PLEKHO2: variants seen among roughly 807,000 people sequenced by gnomAD.
PLEKHO2 encodes the protein pleckstrin homology domain containing O2, also known as pleckstrin homology domain-containing family O member 2.
PLEKHO2 carries 20 observed loss-of-function variants against 32.7 expected under a neutral mutation model. The observed-to-expected ratio is 0.61, with a 90% CI of 0.43 to 0.89. The LOEUF (loss-of-function observed/expected upper bound fraction) is 0.89, where lower values mean the gene tolerates loss of function less well. PLEKHO2 is among the 40% of genes least tolerant of loss of function. PLEKHO2 has a pLI of 0.00. For missense variants in PLEKHO2, 568 were observed against 621.2 expected, an observed-to-expected ratio of 0.91 and a Z score of 0.91; for synonymous variants, 247 against 246.3, an observed-to-expected ratio of 1.00 and a Z score of -0.03.
intron 1 of PLEKHO2, among the ~76,000 whole-genome samples, chr15:64,845,204 G>A (rs2084513651): frequency 6.8e-6 from 1 of 146,490 alleles, no homozygotes; most frequent in Non-Finnish European, 1.5e-5. Flanking sequence ...GAGTTGAGGT[G>A]ACCTGGCTTC....
intron 5 of PLEKHO2, among the ~76,000 whole-genome samples, chr15:64,864,194 C>G (rs1595833274): frequency 6.6e-6 from 1 of 152,148 alleles, no homozygotes; most frequent in Non-Finnish European, 1.5e-5. Flanking sequence ...TGTGGGACTG[C>G]TGGATATCCC....
At chr15:64,856,064 G>A (rs1413730411) in intron 3 of PLEKHO2, among the ~76,000 whole-genome samples, 1 of 152,094 alleles carries the variant, frequency 6.6e-6, no homozygotes, top group African/African-American at 2.4e-5. Flanking sequence ...AGCTGGAAGT[G>A]TATCCCAGGG....
At chr15:64,846,745 C>G (rs1347423713) in intron 1 of PLEKHO2, among the ~76,000 whole-genome samples, 2 of 152,172 alleles carry the variant, frequency 1.3e-5, no homozygotes, top group Non-Finnish European at 2.9e-5. Context: ...CAGCTATAGA[C>G]CAGAAAGGGC....
At chr15:64,843,582 CTTT>C (rs778238354) in intron 1 of PLEKHO2, among the ~76,000 whole-genome samples, 1 of 141,376 alleles carries the variant, frequency 7.1e-6, no homozygotes, top group African/African-American at 2.6e-5. Context: ...ACTTTCTTTT[CTTT>C]TTTTTTTTTT....
intron 2 of PLEKHO2, among the ~76,000 whole-genome samples, chr15:64,853,717 G>A (rs1342202631): frequency 1.3e-5 from 2 of 152,148 alleles, no homozygotes; most frequent in African/African-American, 4.8e-5. Context: ...TGCTGTGCTG[G>A]AAAGGGCCCT....
At chr15:64,852,991 T>G (rs891927402) in intron 2 of PLEKHO2, among the ~76,000 whole-genome samples, 1 of 151,130 alleles carries the variant, frequency 6.6e-6, no homozygotes, top group Non-Finnish European at 1.5e-5. Flanking sequence ...CTACAAAAAT[T>G]AGCCGGGCGT....
At chr15:64,853,156 A>G (rs2084581151) in intron 2 of PLEKHO2, among the ~76,000 whole-genome samples, 1 of 151,616 alleles carries the variant, frequency 6.6e-6, no homozygotes, top group African/African-American at 2.4e-5. Flanking sequence ...CAAAAAACAA[A>G]AAAAATTCGC....
Position 64,861,482 on chromosome 15 carries a change from G to C in PLEKHO2, c.390G>C (p.Lys130Asn). The C allele has an allele frequency of 6.3e-7, 1 of 1,598,938 alleles. No individual in the cohort carries two copies. Among genetic ancestry groups the C allele is most frequent in the Non-Finnish European group, 8.5e-7 (1 of 1,173,938 alleles). ...CTGGTTCCCCCTCCCTCCAGGTAAAGGTGGACAAGAGCTGCGCCCTGGAGC... is the reference window on the plus strand; with the variant it reads ...CTGGTTCCCCCTCCCTCCAGGTAAACGTGGACAAGAGCTGCGCCCTGGAGC... ...RGKNKAFDEV[K>N]VDKSCALEHV... Residue 130 changes from lysine to asparagine, a missense_variant, in exon 5 of 6, where the codon AAG becomes AAC. Physicochemically the swap from Lys to Asn is moderately conservative, Grantham distance 94. Transcript: ENST00000323544.
In PLEKHO2 at chr15:64,848,607, C is replaced by T. The variant is rs199912171; in HGVS notation, c.27C>T (p.Ala9=). 57 of 1,613,970 alleles carry T rather than the reference C, an allele frequency of 3.5e-5. No homozygotes were observed. The highest frequency in any genetic ancestry group is 6.7e-5 in the African/African-American group (5 of 74,874). Reference sequence around the variant, plus strand: ...CTGTGTTACAGGGTGTGAAGGAAGCCGGTGAGAAGCCTCGGGGAGCACAGA... The same window carrying T: ...CTGTGTTACAGGGTGTGAAGGAAGCTGGTGAGAAGCCTCGGGGAGCACAGA... MEEEGVKE[A]GEKPRGAQMV... The change falls in exon 2 of 6, where the codon GCC becomes GCT. Residue 9 remains alanine, a synonymous_variant. Transcript: ENST00000323544.
Position 64,841,994 on chromosome 15 carries a change from G to C in PLEKHO2, c.-23G>C. The C allele has an allele frequency of 8.0e-7, 1 of 1,246,480 alleles. No homozygotes were observed. Among genetic ancestry groups the C allele is most frequent in the Non-Finnish European group, 1.0e-6 (1 of 995,942 alleles). 77.2% of individuals were successfully genotyped at this position (1,246,480 alleles called of 1,614,324 possible). On this transcript the variant is annotated 5_prime_UTR_variant, in exon 1 of 6. Transcript: ENST00000323544. ...CGGCGCTGGAAGCGAGTGGCGGAGC[G>C]GCGGGACCTCGGCGGACTCGCCATG...
chr15:64,854,845 T>G, intron 2 of PLEKHO2, 76 bp from the exon 3 acceptor site: 1 of 1,141,778 alleles, frequency 8.8e-7, no homozygotes, highest in Non-Finnish European at 1.3e-6. Context: ...GGGATCAGGG[T>G]CTGGGACATG....
At chr15:64,864,225 T>TG (rs528588689) in intron 5 of PLEKHO2, among the ~76,000 whole-genome samples, 40 of 151,892 alleles carry the variant, frequency 2.6e-4, no homozygotes, top group Non-Finnish European at 5.3e-4. Flanking sequence ...TGGAGCCTGG[T>TG]GGGGGTGGGT....
In PLEKHO2 at chr15:64,866,972, C is replaced by A. The variant is rs1344998501; in HGVS notation, c.*1084C>A. The A allele has an allele frequency of 6.5e-6, 1 of 153,056 alleles. No homozygotes were observed. Among genetic ancestry groups the A allele is most frequent in the Non-Finnish European group, 1.5e-5 (1 of 68,506 alleles). 9.5% of individuals were successfully genotyped at this position (153,056 alleles called of 1,614,324 possible). A position where few individuals can be genotyped will look rare whatever the true frequency, so the allele number is the denominator to read the frequency against. On this transcript the variant is annotated 3_prime_UTR_variant, in exon 6 of 6. Transcript: ENST00000323544. Reference sequence around the variant, plus strand: ...TTTCTAGGAGAAGAGACATTTTCTTCTTTCCCTTTCCTGGTCCATCCCTGC... The same window carrying A: ...TTTCTAGGAGAAGAGACATTTTCTTATTTCCCTTTCCTGGTCCATCCCTGC...
chr15:64,861,624 T>A, intron 5 of PLEKHO2, 49 bp downstream of exon 5: 1 of 1,451,714 alleles, frequency 6.9e-7, no homozygotes, highest in Non-Finnish European at 9.3e-7. Flanking sequence ...GCCTAGGACC[T>A]CAGCTCCTCT....
At chr15:64,851,094 A>G (rs1595828757) in intron 2 of PLEKHO2, among the ~76,000 whole-genome samples, 1 of 152,312 alleles carries the variant, frequency 6.6e-6, no homozygotes, top group African/African-American at 2.4e-5. Context: ...TGTCTGACCT[A>G]CCTGAGTTGC....
In PLEKHO2 at chr15:64,865,643, T is replaced by C. The variant is rs1391823612; in HGVS notation, c.1228T>C (p.Tyr410His). The change falls in exon 6 of 6, where the codon TAT becomes CAT. Residue 410 changes from tyrosine to histidine, a missense_variant. Coordinates refer to ENST00000323544, the MANE Select transcript of PLEKHO2 (RefSeq NM_025201.5). The stretch of plus-strand genomic sequence containing the variant: ...TCCCTTGCAGCCCAGGGAACGGCTA[T>C]ATCGGGCCCAGCTGGAGGTGAAGGT... ...RHPLQPRERL[Y>H]RAQLEVKVAS... The C allele has an allele frequency of 6.2e-7, 1 of 1,614,226 alleles. No homozygotes were observed. Among genetic ancestry groups the C allele is most frequent in the Admixed American group, 1.7e-5 (1 of 60,024 alleles).
In PLEKHO2 at chr15:64,866,303, CTCCCA is replaced by C. The variant is rs1327216063; in HGVS notation, c.*418_*422del. On this transcript the variant is annotated 3_prime_UTR_variant, in exon 6 of 6. Coordinates refer to ENST00000323544, the MANE Select transcript of PLEKHO2 (RefSeq NM_025201.5). Reference sequence around the variant, plus strand: ...TACAGCACAGCTGAGCCCCCTGCAGCTCCCATCTCCAGCTATTCCTAGGCAAAGAG... The same window carrying C: ...TACAGCACAGCTGAGCCCCCTGCAGCTCTCCAGCTATTCCTAGGCAAAGAG... The C allele has an allele frequency of 4.3e-6, 2 of 461,254 alleles. No individual in the cohort carries two copies. Among genetic ancestry groups the C allele is most frequent in the Non-Finnish European group, 8.7e-6 (2 of 230,580 alleles). The allele number at this position is 461,254 out of a possible 1,614,324, so 28.6% of individuals were successfully genotyped here.
In PLEKHO2 at chr15:64,848,761, C is replaced by G; in HGVS notation, c.162+19C>G. 1 of 1,613,608 alleles carries G rather than the reference C, an allele frequency of 6.2e-7. No homozygotes were observed. The stretch of plus-strand genomic sequence containing the variant: ...GAATGAGGTGAGGACCTGCTTGGCC[C>G]TGAGATTGGGGGTTCTGGGACAGGG... On this transcript the variant is annotated intron_variant, in intron 2 of 5. Coordinates refer to ENST00000323544, the MANE Select transcript of PLEKHO2 (RefSeq NM_025201.5).
At chr15:64,843,346 C>T (rs1369038784) in intron 1 of PLEKHO2, among the ~76,000 whole-genome samples, 4 of 152,196 alleles carry the variant, frequency 2.6e-5, no homozygotes, top group African/African-American at 7.2e-5. Context: ...TGATTTGCTG[C>T]GGTTTCTTTC....
Sources: allele counts gnomAD v4.1 joint callset (sites outside exome capture counted in the v4.1 genomes callset), GRCh38; gene constraint gnomAD v4.1.1; transcripts MANE v1.5; gene names NCBI Gene and HGNC (gene_info 2026-07-23, HGNC 2026-07-21).